Variants in RYR1 observed in about 807,000 individuals in gnomAD.
RYR1 encodes the protein central core disease of muscle.
A neutral mutation model predicts 583.5 loss-of-function variants in RYR1; 342 were observed. That is an observed-to-expected ratio of 0.59 (90% CI 0.54 to 0.64). The LOEUF is 0.64. Among genes scored for constraint, RYR1 ranks in the 30% least tolerant of loss-of-function variants. The probability of loss-of-function intolerance (pLI) is 0.00; values close to 1 mark genes in which losing one functional copy is unlikely to be tolerated. For missense variants in RYR1, 6,032 were observed against 6,917.2 expected (o/e 0.87, Z 4.54); for synonymous variants, 2,791 against 2,822.5 (o/e 0.99, Z 0.35).
In RYR1 at chr19:38,565,368, CCGCTGGCGCGGGGGCGGCGGCGGGCG is replaced by C; in HGVS notation, c.13041_13066del (p.Ala4348ProfsTer226). The stretch of plus-strand genomic sequence containing the variant: ...TGGGCAGCAGTGACGCGCGCTGGGG[CCGCTGGCGCGGGGGCGGCGGCGGGCG>C]CGCTGGGCCTGCTCTGGGGCTCGCT... On this transcript the variant is annotated frameshift_variant, in exon 91 of 106. Coordinates refer to ENST00000359596, the MANE Select transcript of RYR1 (RefSeq NM_000540.3). LOFTEE classifies it high-confidence loss of function. This position sits in a 1 kb window ranked among gnomAD's most constrained non-coding sequence, Gnocchi z 4.7. 3 of 1,322,476 alleles carry C rather than the reference CCGCTGGCGCGGGGGCGGCGGCGGGCG, an allele frequency of 2.3e-6. No individual in the cohort carries two copies. Among genetic ancestry groups the C allele is most frequent in the Non-Finnish European group, 2.9e-6 (3 of 1,046,326 alleles). 81.9% of individuals were successfully genotyped at this position (1,322,476 alleles called of 1,614,324 possible).
chr19:38,581,741 G>A (rs2145901590), intron 101 of RYR1, among the ~76,000 whole-genome samples: 1 of 152,162 alleles, frequency 6.6e-6, no homozygotes, highest in East Asian at 1.9e-4. Flanking sequence ...TGGGATTACA[G>A]GCGCACACTA....
At chr19:38,438,869 T>C (rs1448481002) in intron 1 of RYR1, among the ~76,000 whole-genome samples, 3 of 151,960 alleles carry the variant, frequency 2.0e-5, no homozygotes, top group South Asian at 2.1e-4. Context: ...CCTCCCACCT[T>C]GTCCTCCGAA....
chr19:38,555,393 G>A (rs1193425732), intron 89 of RYR1, among the ~76,000 whole-genome samples: 2 of 146,436 alleles, frequency 1.4e-5, no homozygotes, highest in Non-Finnish European at 3.0e-5. Flanking sequence ...AGTGAGTCCT[G>A]AACACACCAC....
intron 51 of RYR1, 41 bp downstream of exon 51, chr19:38,504,952 G>A: frequency 6.2e-7 from 1 of 1,614,104 alleles, no homozygotes; most frequent in Non-Finnish European, 8.5e-7. Context: ...AAGATTTCAG[G>A]GGTGGAGGGA....
At position 38,473,676 on chromosome 19, in the gene RYR1, C is replaced by T. The variant is rs1293719355; in HGVS notation, c.4065C>T (p.Gly1355=). ...ENGKEGTAKE[G]APGGTPQAGG... ...GCAAAGAAGGGACTGCGAAGGAGGG[C>T]GCCCCCGGGGGCACCCCGCAGGCGG... Residue 1355 remains glycine, a synonymous_variant, in exon 28 of 106, where the codon GGC becomes GGT. Transcript: ENST00000359596. 3.2e-6 allele frequency: 5 copies of T among 1,551,126 alleles called. No homozygotes were observed. The highest frequency in any genetic ancestry group is 2.4e-5 in the East Asian group (1 of 41,126).
At chr19:38,489,979 C>A (rs1969478104) in intron 35 of RYR1, 97 bp from the exon 36 acceptor site, 4 of 1,289,312 alleles carry the variant, frequency 3.1e-6, no homozygotes, top group Non-Finnish European at 4.5e-6. Flanking sequence ...TGGACCTGGG[C>A]AGGGCCATGG....
Position 38,578,362 on chromosome 19 carries a change from C to G in RYR1, c.14364+158C>G, listed in dbSNP as rs376384563. Among the ~76,000 whole-genome samples, 125 of 152,256 alleles carry G rather than the reference C, an allele frequency of 8.2e-4. 1 individual carries two copies. The highest frequency in any genetic ancestry group is 2.9e-3 in the African/African-American group (122 of 41,546). ...TATCCACACAAGGCTCCTTATCCCC[C>G]TAGACATCTTATTAGTATTATTATT... On this transcript the variant is annotated intron_variant, in intron 99 of 105. Transcript: ENST00000359596.
At chr19:38,481,438 G>A (rs1056704584) in intron 31 of RYR1, among the ~76,000 whole-genome samples, 7 of 152,114 alleles carry the variant, frequency 4.6e-5, no homozygotes, top group Admixed American at 2.6e-4. Context: ...GCACCACCAC[G>A]CTCGACCAGG....
chr19:38,500,775 G>T lies in RYR1; in HGVS notation c.7445-46G>T, dbSNP rs760060180. 7 of 1,613,862 alleles carry T rather than the reference G, an allele frequency of 4.3e-6. No homozygotes were observed. In the Admixed American group the frequency reaches 6.7e-5, roughly 15 times the overall value. On this transcript the variant is annotated intron_variant, in intron 46 of 105. Coordinates refer to ENST00000359596, the MANE Select transcript of RYR1 (RefSeq NM_000540.3). The surrounding 1 kb of genome is among the most constrained non-coding windows in gnomAD (Gnocchi z 5.9). ...GAAGGAGTGATGCTGGGGAGGGAGC[G>T]GCTGGGTCCGCAGGGCATCCCCGAA...
At chr19:38,508,189 T>G (rs1240755834) in intron 58 of RYR1, among the ~76,000 whole-genome samples, 3 of 152,038 alleles carry the variant, frequency 2.0e-5, no homozygotes, top group Non-Finnish European at 4.4e-5. Flanking sequence ...TCATTTTATT[T>G]TATTTTTATT....
At chr19:38,451,458 CAG>C (rs1967070999) in intron 11 of RYR1, among the ~76,000 whole-genome samples, 1 of 151,760 alleles carries the variant, frequency 6.6e-6, no homozygotes, top group Non-Finnish European at 1.5e-5. Context: ...GGCCTGGAGA[CAG>C]AGACAGGAAG....
At chr19:38,578,570 C>T (rs145242633) in intron 99 of RYR1, among the ~76,000 whole-genome samples, 88 of 152,290 alleles carry the variant, frequency 5.8e-4, no homozygotes, top group African/African-American at 1.9e-3. Context: ...TGCTGGCTTA[C>T]GCCTGTAGTC....
At chr19:38,577,838 G>A (rs1974025040) in intron 97 of RYR1, 80 bp from the exon 98 acceptor site, 1 of 1,577,540 alleles carries the variant, frequency 6.3e-7, no homozygotes, top group African/African-American at 1.4e-5. Context: ...AGTTTGGAGT[G>A]TCCCCAGAAC....
intron 93 of RYR1, among the ~76,000 whole-genome samples, chr19:38,569,790 CAG>C (rs1599645006): frequency 6.6e-6 from 1 of 152,198 alleles, no homozygotes; most frequent in East Asian, 1.9e-4. Context: ...GCCCACTTCA[CAG>C]GGGTGTACTG....
At chr19:38,494,168 C>G (rs1969690503) in intron 38 of RYR1, among the ~76,000 whole-genome samples, 184 bp from the exon 39 acceptor site, 1 of 152,190 alleles carries the variant, frequency 6.6e-6, no homozygotes, top group Non-Finnish European at 1.5e-5. Context: ...GACACTGTCT[C>G]TAAAAGAAAA....
chr19:38,500,933 G>A lies in RYR1; in HGVS notation c.7557G>A (p.Leu2519=), dbSNP rs1284355029. 6.2e-7 allele frequency: 1 copy of A among 1,614,090 alleles called. No homozygotes were observed. The highest frequency in any genetic ancestry group is 1.3e-5 in the African/African-American group (1 of 75,056). ...GCATCGAGAACCAGGACTTCTTGCTGCACGTGCTGGACGTGGGGTTCCTGC... is the reference window on the plus strand; with the variant it reads ...GCATCGAGAACCAGGACTTCTTGCTACACGTGCTGGACGTGGGGTTCCTGC... ...VYGIENQDFL[L]HVLDVGFLPD... Residue 2519 remains leucine (L), a synonymous_variant, in exon 47 of 106, where the codon CTG becomes CTA. Coordinates refer to ENST00000359596, the MANE Select transcript of RYR1 (RefSeq NM_000540.3). This position sits in a 1 kb window ranked among gnomAD's most constrained non-coding sequence, Gnocchi z 5.9.
At chr19:38,456,247 T>G (rs2145399027) in intron 16 of RYR1, among the ~76,000 whole-genome samples, 1 of 148,354 alleles carries the variant, frequency 6.7e-6, no homozygotes, top group African/African-American at 2.5e-5. Flanking sequence ...ATGCTGGAAT[T>G]ACAGGCGTGA....
chr19:38,545,136 C>T (rs1167091398), intron 87 of RYR1, among the ~76,000 whole-genome samples: 1 of 152,064 alleles, frequency 6.6e-6, no homozygotes, highest in South Asian at 2.1e-4. Flanking sequence ...CTCCCTGAAC[C>T]AATCATCATA....
chr19:38,569,690 C>T (rs545410719), intron 93 of RYR1, among the ~76,000 whole-genome samples: 1 of 152,210 alleles, frequency 6.6e-6, no homozygotes, highest in African/African-American at 2.4e-5. Flanking sequence ...CAAATCCCAT[C>T]TCTGCCACTC....
Sources: allele counts gnomAD v4.1 joint callset (sites outside exome capture counted in the v4.1 genomes callset), GRCh38; gene constraint gnomAD v4.1.1; non-coding constraint Gnocchi (gnomAD v3.1); transcripts MANE v1.5; gene names NCBI Gene and HGNC (gene_info 2026-07-23, HGNC 2026-07-21).